The following TTC39B variants were observed in gnomAD, a reference collection of about 807,000 sequenced individuals.
TTC39B encodes the protein tetratricopeptide repeat domain 39B.
TTC39B carries 92 observed loss-of-function variants against 96.6 expected under a neutral mutation model. That is an observed-to-expected ratio of 0.95 (90% CI 0.80 to 1.13). TTC39B has a LOEUF of 1.13. TTC39B is among the 50% of genes most tolerant of loss of function. The probability of loss-of-function intolerance (pLI) is 0.00; values close to 1 mark genes in which losing one functional copy is unlikely to be tolerated. For synonymous variants in TTC39B, 367 were observed against 299.4 expected (o/e 1.23, Z -2.33); for missense variants, 955 against 809.3 (o/e 1.18, Z -2.18).
In TTC39B at chr9:15,264,616, T is replaced by C. The variant is rs142873379; in HGVS notation, c.275+3298A>G. Among the ~76,000 whole-genome samples, 54 of 146,350 alleles carry C rather than the reference T, an allele frequency of 3.7e-4. No individual in the cohort carries two copies. The Middle Eastern group carries it at 0.011, about 30-fold the overall frequency. ...GTTGCAGTGAGCTGAGATCACACCA[T>C]TGCACTCTAGCCTGGGCGACAGAGC... On this transcript the variant is annotated intron_variant, in intron 2 of 19. Transcript: ENST00000512701.
At chr9:15,247,484 C>T (rs1318705762) in intron 2 of TTC39B, among the ~76,000 whole-genome samples, 1 of 152,134 alleles carries the variant, frequency 6.6e-6, no homozygotes, top group Non-Finnish European at 1.5e-5. Context: ...GAGACAAGTC[C>T]TGTGTACAAC....
At chr9:15,203,989 G>C in intron 6 of TTC39B, 99 bp from the exon 7 acceptor site, 1 of 1,086,016 alleles carries the variant, frequency 9.2e-7, no homozygotes, top group South Asian at 1.7e-5. Flanking sequence ...GAACCCAAGA[G>C]AGACCCCAAA....
At chr9:15,247,876 C>G (rs1354321419) in intron 2 of TTC39B, among the ~76,000 whole-genome samples, 1 of 152,014 alleles carries the variant, frequency 6.6e-6, no homozygotes, top group Admixed American at 6.6e-5. Flanking sequence ...AGGGGGCTCC[C>G]CCAACCAACC....
At chr9:15,283,555 TCAA>T (rs76029671) in intron 1 of TTC39B, among the ~76,000 whole-genome samples, 101,979 of 151,160 alleles carry the variant, frequency 0.67, 35,439 homozygotes, top group East Asian at 0.9. Context: ...GAGAACTCAG[TCAA>T]TAAGATTCGC....
exon 16 of TTC39B, chr9:15,185,329 C>A (rs770409139): frequency 3.7e-6 from 6 of 1,613,794 alleles, no homozygotes. Flanking sequence ...GGCGGAGTAA[C>A]GCCGAGCCTT....
chr9:15,201,788 T>G (rs1819555940), intron 7 of TTC39B, among the ~76,000 whole-genome samples: 1 of 151,922 alleles, frequency 6.6e-6, no homozygotes, highest in Admixed American at 6.6e-5. Context: ...AGAGAGGAGG[T>G]ACCAGTTTTG....
At chr9:15,278,245 C>T (rs1270533551) in intron 1 of TTC39B, among the ~76,000 whole-genome samples, 2 of 152,086 alleles carry the variant, frequency 1.3e-5, no homozygotes, top group Non-Finnish European at 2.9e-5. Flanking sequence ...TGAACAAATA[C>T]TTTAAGTTGC....
chr9:15,227,617 C>T (rs903008479), intron 2 of TTC39B, among the ~76,000 whole-genome samples: 2 of 152,132 alleles, frequency 1.3e-5, no homozygotes, highest in African/African-American at 2.4e-5. Flanking sequence ...GGTACCACTT[C>T]CATAAATAAG....
chr9:15,257,483 C>G (rs942106879), intron 2 of TTC39B, among the ~76,000 whole-genome samples: 5 of 151,994 alleles, frequency 3.3e-5, no homozygotes. Context: ...GGGTCTTACT[C>G]TATCACCCAG....
At chr9:15,246,214 T>C (rs472175) in intron 2 of TTC39B, among the ~76,000 whole-genome samples, 137 of 152,130 alleles carry the variant, frequency 9.0e-4, no homozygotes, top group African/African-American at 3.2e-3. Context: ...GATCACGCCA[T>C]TGCACTCCAG....
At chr9:15,187,905 T>C in intron 14 of TTC39B, 66 bp downstream of exon 14, 1 of 1,476,568 alleles carries the variant, frequency 6.8e-7, no homozygotes, top group Non-Finnish European at 9.1e-7. Context: ...CAAACAGTCC[T>C]AAATGAAAAT....
chr9:15,221,680 T>C lies in TTC39B; in HGVS notation c.371+4237A>G, dbSNP rs376468199. Among the ~76,000 whole-genome samples, 11 of 152,306 alleles carry C rather than the reference T, an allele frequency of 7.2e-5. No individual in the cohort carries two copies. In the South Asian group the frequency reaches 2.3e-3, roughly 32 times the overall value. ...AGCCACCCCTGTGTGCCGCAGTGCT[T>C]CAAGCTATGTCTACTTTAGTAGATC... On this transcript the variant is annotated intron_variant, in intron 3 of 19. Coordinates refer to ENST00000512701, the Ensembl canonical transcript of TTC39B.
At chr9:15,206,081 A>T (rs1819833555) in intron 6 of TTC39B, among the ~76,000 whole-genome samples, 1 of 152,164 alleles carries the variant, frequency 6.6e-6, no homozygotes, top group South Asian at 2.1e-4. Context: ...TAAGAGCAGC[A>T]TGGGGATGTG....
chr9:15,218,681 T>A (rs1485590817), intron 3 of TTC39B, among the ~76,000 whole-genome samples: 1 of 151,180 alleles, frequency 6.6e-6, no homozygotes, highest in Non-Finnish European at 1.5e-5. Context: ...TTTGGAACTA[T>A]ACTATATCAT....
At chr9:15,305,056 T>C (rs953359150) in intron 1 of TTC39B, among the ~76,000 whole-genome samples, 1 of 152,248 alleles carries the variant, frequency 6.6e-6, no homozygotes, top group African/African-American at 2.4e-5. Flanking sequence ...CGTGAAAAGC[T>C]TCCTAGCTGA....
At chr9:15,261,121 C>T (rs910385601) in intron 2 of TTC39B, among the ~76,000 whole-genome samples, 12 of 152,172 alleles carry the variant, frequency 7.9e-5, no homozygotes, top group Non-Finnish European at 1.3e-4. Context: ...AGTGCCCAAC[C>T]AGGACTCCCG....
chr9:15,174,973 T>C (rs778918394), intron 19 of TTC39B, 46 bp downstream of exon 19: 2 of 1,261,628 alleles, frequency 1.6e-6, no homozygotes, highest in African/African-American at 2.9e-5. Flanking sequence ...AGTACTGACA[T>C]TTCTGACTCC....
intron 6 of TTC39B, among the ~76,000 whole-genome samples, chr9:15,206,836 G>C (rs1342052175): frequency 6.6e-6 from 1 of 152,100 alleles, no homozygotes; most frequent in Non-Finnish European, 1.5e-5. Context: ...CAACCTCTGT[G>C]ATATGGTTAG....
At chr9:15,300,946 T>C (rs866976220) in intron 1 of TTC39B, among the ~76,000 whole-genome samples, 3 of 135,048 alleles carry the variant, frequency 2.2e-5, no homozygotes, top group African/African-American at 5.4e-5. Context: ...TTTTAGGAGA[T>C]ACAACCCAAA....
Sources: gnomAD v4.1 joint callset for allele counts (sites outside exome capture counted in the v4.1 genomes callset) on GRCh38, gnomAD v4.1.1 for gene constraint, MANE v1.5 for transcripts, NCBI Gene and HGNC (gene_info 2026-07-23, HGNC 2026-07-21) for gene names.